Variants in PCDHA10 observed in about 807,000 individuals in gnomAD.
The protein encoded by PCDHA10 is protocadherin alpha-10.
Under a neutral mutation model 61.2 loss-of-function variants are expected in PCDHA10, and 45 were observed. That is an observed-to-expected ratio of 0.74 (90% CI 0.58 to 0.94). PCDHA10 has a LOEUF of 0.94. PCDHA10 is among the 40% of genes least tolerant of loss of function. The probability of loss-of-function intolerance (pLI) is 0.00; values close to 1 mark genes in which losing one functional copy is unlikely to be tolerated. For synonymous variants in PCDHA10, 602 were observed against 548.8 expected, an observed-to-expected ratio of 1.10 and a Z score of -1.35; for missense variants, 1,278 against 1,236.2, an observed-to-expected ratio of 1.03 and a Z score of -0.51.
chr5:140,913,572 T>C (rs1000646852), intron 1 of PCDHA10, among the ~76,000 whole-genome samples: 1 of 152,146 alleles, frequency 6.6e-6, no homozygotes, highest in Non-Finnish European at 1.5e-5. Context: ...TTTCATCATT[T>C]CAAATATATT....
Position 140,927,344 on chromosome 5 carries a change from A to G in PCDHA10, c.2389-51605A>G, listed in dbSNP as rs144568777. 1.0e-4 allele frequency: 168 copies of G among 1,613,994 alleles called. No homozygotes were observed. Among genetic ancestry groups the G allele is most frequent in the Middle Eastern group, 8.2e-4 (5 of 6,062 alleles). On this transcript the variant is annotated intron_variant, in intron 1 of 3. Transcript: ENST00000307360. ...TTTACTCTCCCGAATGCCCAAGATGACGACGAGGGAAGCAATGGGATACTA... is the reference window on the plus strand; with the variant it reads ...TTTACTCTCCCGAATGCCCAAGATGGCGACGAGGGAAGCAATGGGATACTA...
In PCDHA10 at chr5:140,859,254, G is replaced by C. The variant is rs1005222858; in HGVS notation, c.2388+818G>C. 16 of 131,816 alleles carry C rather than the reference G, an allele frequency of 1.2e-4. 1 individual carries two copies. The highest frequency in any genetic ancestry group is 4.3e-4 in the African/African-American group (16 of 37,090). 8.2% of individuals were successfully genotyped at this position (131,816 alleles called of 1,614,324 possible). A position where few individuals can be genotyped will look rare whatever the true frequency, so the allele number is the denominator to read the frequency against. ...AGTCATGCTTATGTTTAATAATGAA[G>C]AGAATTTGAACACTTTTTACTTTTG... is the stretch of plus-strand genomic sequence containing the variant. On this transcript the variant is annotated intron_variant, in intron 1 of 3. Transcript: ENST00000307360.
At chr5:140,883,786 C>G in intron 1 of PCDHA10, 1 of 1,612,422 alleles carries the variant, frequency 6.2e-7, no homozygotes, top group Admixed American at 1.7e-5. Flanking sequence ...CGCTGTCGAG[C>G]TACGTGTCGG....
At chr5:140,862,999 C>T (rs547997534) in intron 1 of PCDHA10, 28 of 550,142 alleles carry the variant, frequency 5.1e-5, no homozygotes, top group African/African-American at 4.9e-4. Context: ...GCACGGTGGA[C>T]TCCAGCTATG....
intron 1 of PCDHA10, chr5:140,968,356 C>T (rs1586289885): frequency 1.2e-6 from 2 of 1,614,062 alleles, no homozygotes; most frequent in Non-Finnish European, 1.7e-6. Context: ...CCAGTGGCAG[C>T]CTTTATGCTG....
chr5:140,987,207 C>A (rs1475441121), intron 3 of PCDHA10, among the ~76,000 whole-genome samples: 1 of 148,672 alleles, frequency 6.7e-6, no homozygotes, highest in African/African-American at 2.5e-5. Context: ...GAGTGAGACT[C>A]CATCTCAAAA....
chr5:140,999,403 A>G (rs1325467300), intron 3 of PCDHA10, among the ~76,000 whole-genome samples: 7 of 152,176 alleles, frequency 4.6e-5, no homozygotes, highest in African/African-American at 1.7e-4. Context: ...TTTGCATATG[A>G]AAGAATGGGA....
intron 1 of PCDHA10, chr5:140,864,624 A>C (rs2048544669): frequency 6.6e-6 from 1 of 152,110 alleles, no homozygotes; most frequent in African/African-American, 2.4e-5. Flanking sequence ...TTTTTTAAAA[A>C]GAAAACAAAA....
chr5:140,971,529 T>G (rs782358590), intron 1 of PCDHA10, among the ~76,000 whole-genome samples: 1 of 152,176 alleles, frequency 6.6e-6, no homozygotes, highest in East Asian at 1.9e-4. Flanking sequence ...GTTCTGAAAG[T>G]CATCATTGCC....
intron 1 of PCDHA10, among the ~76,000 whole-genome samples, chr5:140,944,186 GTTT>G (rs2093621428): frequency 6.6e-6 from 1 of 151,986 alleles, no homozygotes. Flanking sequence ...TTGTTGGTTT[GTTT>G]TGTTTTGTTT....
At chr5:141,008,356 A>G (rs1440951671) in intron 3 of PCDHA10, among the ~76,000 whole-genome samples, 1 of 152,204 alleles carries the variant, frequency 6.6e-6, no homozygotes, top group Non-Finnish European at 1.5e-5. Context: ...CGTGTCAACC[A>G]AAGGAGCAGT....
chr5:140,996,630 A>G (rs765477034), intron 3 of PCDHA10, among the ~76,000 whole-genome samples: 10 of 152,210 alleles, frequency 6.6e-5, no homozygotes, highest in Non-Finnish European at 1.5e-4. Flanking sequence ...TGGTTCCTGC[A>G]AATTATGTAG....
At chr5:140,872,547 A>G (rs1438827788) in intron 1 of PCDHA10, among the ~76,000 whole-genome samples, 1 of 152,128 alleles carries the variant, frequency 6.6e-6, no homozygotes, top group Non-Finnish European at 1.5e-5. Context: ...GGATCCCCTG[A>G]ACCCAGGGGT....
At position 140,877,452 on chromosome 5, in the gene PCDHA10, G is replaced by A. The variant is rs116206336; in HGVS notation, c.2388+19016G>A. On this transcript the variant is annotated intron_variant, in intron 1 of 3. Transcript: ENST00000307360. ...AGGACCACGGTGAGCCCGCGCTGAC[G>A]TCCACGGCCACGGTGCTGGTGTCGC... 1,416 of 1,613,822 alleles carry A rather than the reference G, an allele frequency of 8.8e-4. 8 individuals carry two copies. The African/African-American group carries it at 0.017, about 19-fold the overall frequency.
intron 1 of PCDHA10, chr5:140,868,995 A>G (rs944875255): frequency 4.0e-6 from 6 of 1,516,046 alleles, no homozygotes; most frequent in Non-Finnish European, 5.3e-6. Context: ...CCACCGTTTA[A>G]GGATCCTTTG....
chr5:141,009,562 C>T, intron 3 of PCDHA10, 65 bp from the exon 4 acceptor site: 7 of 1,571,344 alleles, frequency 4.5e-6, no homozygotes, highest in Non-Finnish European at 6.0e-6. Flanking sequence ...CTGTACTCTA[C>T]CAGCAGTGTG....
chr5:140,955,647 T>G (rs1395732517), intron 1 of PCDHA10, among the ~76,000 whole-genome samples: 1 of 152,116 alleles, frequency 6.6e-6, no homozygotes, highest in Non-Finnish European at 1.5e-5. Context: ...AACAAATTAA[T>G]ACACATATGA....
chr5:140,858,632 C>CT, intron 1 of PCDHA10, 196 bp downstream of exon 1: 1 of 1,018,812 alleles, frequency 9.8e-7, no homozygotes, highest in Non-Finnish European at 1.4e-6. Context: ...GTGTGTCAGC[C>CT]TTTGATTGGT....
chr5:140,932,750 GGAAA>G (rs1554209054), intron 1 of PCDHA10, among the ~76,000 whole-genome samples: 1 of 151,518 alleles, frequency 6.6e-6, no homozygotes, highest in Non-Finnish European at 1.5e-5. Flanking sequence ...TCAGTAAAAA[GGAAA>G]GAAAAAGAAC....
Sources: gnomAD v4.1 joint callset for allele counts (sites outside exome capture counted in the v4.1 genomes callset) on GRCh38, gnomAD v4.1.1 for gene constraint, MANE v1.5 for transcripts, NCBI Gene and HGNC (gene_info 2026-07-23, HGNC 2026-07-21) for gene names.